The following NDUFA8 variants were observed in gnomAD, a reference collection of about 807,000 sequenced individuals.
The protein encoded by NDUFA8 is NADH dehydrogenase [ubiquinone] 1 alpha subcomplex subunit 8.
NDUFA8 carries 16 observed loss-of-function variants against 20.9 expected under a neutral mutation model. The observed-to-expected ratio is 0.77, with a 90% confidence interval of 0.52 to 1.16. The LOEUF (loss-of-function observed/expected upper bound fraction) is 1.16. Ranked by LOEUF, NDUFA8 falls within the 50% of genes most tolerant of loss-of-function variation. The pLI is 0.00. For missense variants in NDUFA8, 202 were observed against 216.4 expected, an observed-to-expected ratio of 0.93 and a Z score of 0.42; for synonymous variants, 70 against 76.1, an observed-to-expected ratio of 0.92 and a Z score of 0.41.
At chr9:122,137,613 G>A in the NDUFA8 span, among the ~76,000 whole-genome samples, 1 of 152,206 alleles carries the variant, frequency 6.6e-6, no homozygotes, top group African/African-American at 2.4e-5. Context: ...TCAAATGTCA[G>A]TGTGGGTGAT....
In NDUFA8 at chr9:122,159,773, T is replaced by A. The variant is rs2118727598; in HGVS notation, c.-96A>T. ...CGACCGCCGAGTGCCACACGGCGCCTGCGCATGCGCATCCGGCAACACGCA... is the reference window on the plus strand; with the variant it reads ...CGACCGCCGAGTGCCACACGGCGCCAGCGCATGCGCATCCGGCAACACGCA... On this transcript the variant is annotated 5_prime_UTR_variant, in exon 1 of 4. Coordinates refer to ENST00000373768, the MANE Select transcript of NDUFA8 (RefSeq NM_014222.3). 6.4e-7 allele frequency: 1 copy of A among 1,561,806 alleles called. No individual in the cohort carries two copies. Among genetic ancestry groups the A allele is most frequent in the Middle Eastern group, 1.7e-4 (1 of 5,970 alleles).
intron 1 of NDUFA8, among the ~76,000 whole-genome samples, chr9:122,159,251 C>T (rs1564412259): frequency 6.6e-6 from 1 of 152,306 alleles, no homozygotes; most frequent in East Asian, 1.9e-4. Flanking sequence ...GACCGTCTCC[C>T]TCGACTGTGA....
intron 2 of NDUFA8, among the ~76,000 whole-genome samples, chr9:122,151,689 G>A (rs1351120539): frequency 1.3e-5 from 2 of 152,202 alleles, no homozygotes; most frequent in Admixed American, 1.3e-4. Context: ...GGACTTCAGA[G>A]TTACAAGAGC....
intron 1 of NDUFA8, among the ~76,000 whole-genome samples, chr9:122,153,747 C>A (rs543313318): frequency 2.6e-5 from 4 of 152,278 alleles, no homozygotes; most frequent in African/African-American, 9.6e-5. Context: ...CTTTTCAAAA[C>A]TTTTTTGGCT....
chr9:122,154,213 G>A (rs1458123490), intron 1 of NDUFA8, among the ~76,000 whole-genome samples: 1 of 152,164 alleles, frequency 6.6e-6, no homozygotes, highest in African/African-American at 2.4e-5. Context: ...GTTGACTACG[G>A]TACACACCAA....
At chr9:122,152,208 C>T in intron 2 of NDUFA8, 37 bp downstream of exon 2, 1 of 1,612,976 alleles carries the variant, frequency 6.2e-7, no homozygotes, top group Non-Finnish European at 8.5e-7. Context: ...AACCTTTATG[C>T]TTCAACCAAG....
intron 2 of NDUFA8, among the ~76,000 whole-genome samples, chr9:122,150,190 A>C (rs1230207408): frequency 6.6e-6 from 1 of 152,104 alleles, no homozygotes; most frequent in Non-Finnish European, 1.5e-5. Context: ...TGGGAGGCCA[A>C]GGCAGGTGGA....
the NDUFA8 span, among the ~76,000 whole-genome samples, chr9:122,136,084 C>T: frequency 2.0e-5 from 3 of 152,322 alleles, no homozygotes; most frequent in East Asian, 1.9e-4. Flanking sequence ...CACAGCTGTT[C>T]GGGATCACAT....
rs1265586507 is a variant in NDUFA8, at chr9:122,152,396, A to T, written c.64T>A (p.Ser22Thr). ...TGGGCCGCAGCTTTAAGCACAGCAGAACTAATTTTCACCTAGGAAAGGAAA... is the reference window on the plus strand; with the variant it reads ...TGGGCCGCAGCTTTAAGCACAGCAGTACTAATTTTCACCTAGGAAAGGAAA... ...ELKVDEVKISSAVLKAAAHHY... is the reference protein window; with the variant it reads ...ELKVDEVKISTAVLKAAAHHY... The change falls in exon 2 of 4, where the codon TCT (serine) becomes ACT (threonine). Residue 22 changes from serine (S) to threonine (T), a missense_variant. Ser to Thr is a moderately conservative substitution (Grantham distance 58). Transcript: ENST00000373768. 4 of 1,614,182 alleles carry T rather than the reference A, an allele frequency of 2.5e-6. No individual in the cohort carries two copies. In the South Asian group the frequency reaches 3.3e-5, roughly 13 times the overall value.
chr9:122,146,249 G>A (rs2118698097), intron 3 of NDUFA8, among the ~76,000 whole-genome samples: 1 of 152,278 alleles, frequency 6.6e-6, no homozygotes, highest in South Asian at 2.1e-4. Context: ...GCAGGTGTGA[G>A]CCATGGCACC....
chr9:122,145,289 G>C (rs1252019603), intron 3 of NDUFA8, among the ~76,000 whole-genome samples: 1 of 152,220 alleles, frequency 6.6e-6, no homozygotes, highest in Non-Finnish European at 1.5e-5. Flanking sequence ...TTGGGGAGCT[G>C]AGCCAATAAG....
chr9:122,140,543 T>A (rs1322444154), downstream of NDUFA8, among the ~76,000 whole-genome samples: 1 of 152,196 alleles, frequency 6.6e-6, no homozygotes, highest in African/African-American at 2.4e-5. Flanking sequence ...TCTGGAAAGG[T>A]AAACTTCGTG....
chr9:122,140,655 A>G (rs1262301495), downstream of NDUFA8, among the ~76,000 whole-genome samples: 1 of 152,216 alleles, frequency 6.6e-6, no homozygotes, highest in Non-Finnish European at 1.5e-5. Context: ...AGAACAGGAG[A>G]GGTAAGACAC....
downstream of NDUFA8, chr9:122,143,996 A>T: frequency 8.2e-7 from 1 of 1,219,636 alleles, no homozygotes; most frequent in East Asian, 3.3e-5. Flanking sequence ...AAGAAGAAAA[A>T]AGCAAGGGGA....
At chr9:122,139,772 C>G (rs531807141), downstream of NDUFA8, among the ~76,000 whole-genome samples, 1 of 152,184 alleles carries the variant, frequency 6.6e-6, no homozygotes, top group Admixed American at 6.5e-5. Context: ...CAGCTCAATG[C>G]AACCTCCACC....
At chr9:122,144,881 G>C (rs1048975632) in intron 3 of NDUFA8, among the ~76,000 whole-genome samples, 3 of 152,176 alleles carry the variant, frequency 2.0e-5, no homozygotes, top group African/African-American at 7.2e-5. Context: ...AAGATAGGCA[G>C]GCATGTCTTC....
intron 2 of NDUFA8, 143 bp downstream of exon 2, chr9:122,152,102 A>G (rs1364033481): frequency 3.2e-6 from 3 of 923,258 alleles, no homozygotes; most frequent in Non-Finnish European, 5.0e-6. Flanking sequence ...AAAAATAATT[A>G]TCATCCTTTG....
the NDUFA8 span, among the ~76,000 whole-genome samples, chr9:122,138,629 C>T: frequency 6.6e-6 from 1 of 152,142 alleles, no homozygotes; most frequent in Non-Finnish European, 1.5e-5. Flanking sequence ...ATTCATTCAA[C>T]AAACAGTTAT....
chr9:122,144,141 G>A lies in NDUFA8; in HGVS notation c.*100C>T. On this transcript the variant is annotated 3_prime_UTR_variant, in exon 4 of 4. Coordinates refer to ENST00000373768, the MANE Select transcript of NDUFA8 (RefSeq NM_014222.3). The stretch of plus-strand genomic sequence containing the variant: ...AGTTAACTTTTTTGTTAATGTTTGT[G>A]ATCCCGGAAAGAACACACTATCAGT... 1 of 1,595,598 alleles carries A rather than the reference G, an allele frequency of 6.3e-7. No individual in the cohort carries two copies. The highest frequency in any genetic ancestry group is 8.5e-7 in the Non-Finnish European group (1 of 1,170,638).
Sources: allele counts gnomAD v4.1 joint callset (sites outside exome capture counted in the v4.1 genomes callset), GRCh38; gene constraint gnomAD v4.1.1; transcripts MANE v1.5; gene names NCBI Gene and HGNC (gene_info 2026-07-23, HGNC 2026-07-21).